Variants in KRT27 observed in about 807,000 individuals in gnomAD.
KRT27 encodes keratin 27.
KRT27 carries 30 observed loss-of-function variants against 45.3 expected under a neutral mutation model. The observed-to-expected ratio is 0.66, with a 90% CI of 0.50 to 0.90. KRT27 has a LOEUF of 0.90. Ranked by LOEUF, KRT27 falls within the 40% of genes least tolerant of loss-of-function variation. KRT27 has a pLI of 0.00. For synonymous variants in KRT27, 204 were observed against 223.9 expected (o/e 0.91, Z 0.79); for missense variants, 610 against 564.3 (o/e 1.08, Z -0.82).
At chr17:40,781,164 C>A in intron 2 of KRT27, 24 bp downstream of exon 2, 1 of 1,496,124 alleles carries the variant, frequency 6.7e-7, no homozygotes, top group Non-Finnish European at 9.1e-7. Context: ...CTTTTTTTTC[C>A]CATTTATCTT....
At position 40,782,037 on chromosome 17, in the gene KRT27, T is replaced by A; in HGVS notation, c.444+13A>T. On this transcript the variant is annotated intron_variant, in intron 1 of 7. Transcript: ENST00000301656. The stretch of plus-strand genomic sequence containing the variant: ...CTCAGGAGTGCTAACACTCACGCCA[T>A]GGCGTTTCTTACCTGGTTCTTAAGT... The A allele has an allele frequency of 6.2e-7, 1 of 1,602,322 alleles. No individual in the cohort carries two copies. Among genetic ancestry groups the A allele is most frequent in the East Asian group, 2.2e-5 (1 of 44,876 alleles).
At position 40,782,068 on chromosome 17, in the gene KRT27, A is replaced by T. The variant is rs1207881922; in HGVS notation, c.426T>A (p.Ile142=). 6.2e-7 allele frequency: 1 copy of T among 1,611,886 alleles called. No homozygotes were observed. Among genetic ancestry groups the T allele is most frequent in the Non-Finnish European group, 8.5e-7 (1 of 1,179,950 alleles). Residue 142 remains isoleucine (I), a synonymous_variant, in exon 1 of 8, where the codon ATT becomes ATA. Coordinates refer to ENST00000301656, the MANE Select transcript of KRT27 (RefSeq NM_181537.4). ...TTCTTACCTGGTTCTTAAGTTCGTC[A>T]ATAATTGGGAAATATCTGCTGTAAT... The part of the protein sequence containing the change: ...DHDYSRYFPI[I]DELKNQIISA...
At chr17:40,781,877 C>A (rs1327528645) in intron 1 of KRT27, among the ~76,000 whole-genome samples, 173 bp downstream of exon 1, 1 of 144,418 alleles carries the variant, frequency 6.9e-6, no homozygotes, top group Non-Finnish European at 1.6e-5. Flanking sequence ...GATGGACGTG[C>A]CATGTTCAAA....
Position 40,780,319 on chromosome 17 carries a change from A to G in KRT27, c.665T>C (p.Leu222Pro), listed in dbSNP as rs780575129. The G allele has an allele frequency of 6.2e-6, 10 of 1,611,576 alleles. No individual in the cohort carries two copies. The African/African-American group carries it at 1.2e-4, about 19-fold the overall frequency. The change falls in exon 3 of 8, where the codon CTC (leucine) becomes CCC (proline). Residue 222 changes from leucine (L) to proline (P), a missense_variant. Coordinates refer to ENST00000301656, the MANE Select transcript of KRT27 (RefSeq NM_181537.4). The part of the protein sequence containing the change: ...LETLSEELAY[L>P]KKNHEEEMKA... ...TTCTACCTCCTCATGATTCTTCTTG[A>G]GGTAAGCGAGCTCCTCACTGAGAGT...
Position 40,782,269 on chromosome 17 carries a change from A to G in KRT27, c.225T>C (p.Asn75=). 1 of 1,614,168 alleles carries G rather than the reference A, an allele frequency of 6.2e-7. No homozygotes were observed. Residue 75 remains asparagine, a synonymous_variant, in exon 1 of 8, where the codon AAT becomes AAC. Coordinates refer to ENST00000301656, the MANE Select transcript of KRT27 (RefSeq NM_181537.4). ...CATTGCCAGAGAGGAGGCCGTGCTCATTCCCTGTGAAGGCAGCACAGGAAG... is the reference window on the plus strand; with the variant it reads ...CATTGCCAGAGAGGAGGCCGTGCTCGTTCCCTGTGAAGGCAGCACAGGAAG... ...GSASCAAFTG[N]EHGLLSGNEK...
rs781712325 is a variant in KRT27 at position 40,782,449 on chromosome 17, G to A, written c.45C>T (p.Cys15=). The A allele has an allele frequency of 6.9e-6, 11 of 1,603,766 alleles. No homozygotes were observed. The highest frequency in any genetic ancestry group is 2.3e-5 in the East Asian group (1 of 44,072). Residue 15 remains cysteine, a synonymous_variant, in exon 1 of 8, where the codon TGC becomes TGT. Transcript: ENST00000301656. The stretch of plus-strand genomic sequence containing the variant: ...AGAGCCTCACAGAGCCAGTGCCCCC[G>A]CAAGAGCCAAGTCTCCTGGAGGTAG... ...FSSTSRRLGS[C]GGTGSVRLSS...
Position 40,782,411 on chromosome 17 carries a change from G to C in KRT27, c.83C>G (p.Ala28Gly). 6.2e-7 allele frequency: 1 copy of C among 1,613,310 alleles called. No homozygotes were observed. The highest frequency in any genetic ancestry group is 1.3e-5 in the African/African-American group (1 of 74,976). ...GCATGTGTTTCCAGCCCCAAAGCCTGCTCCCCCACTAGAGAGCCTCACAGA... is the reference window on the plus strand; with the variant it reads ...GCATGTGTTTCCAGCCCCAAAGCCTCCTCCCCCACTAGAGAGCCTCACAGA... The part of the protein sequence containing the change: ...TGSVRLSSGG[A>G]GFGAGNTCGV... Residue 28 changes from alanine (A) to glycine (G), a missense_variant, in exon 1 of 8, where the codon GCA becomes GGA. Physicochemically the swap from Ala to Gly is moderately conservative, Grantham distance 60. Coordinates refer to ENST00000301656, the MANE Select transcript of KRT27 (RefSeq NM_181537.4).
chr17:40,776,971 G>A lies in KRT27; in HGVS notation c.*28C>T. On this transcript the variant is annotated 3_prime_UTR_variant, in exon 8 of 8. Transcript: ENST00000301656. ...AGCTTCATTTTGGTATTTTAATTTG[G>A]GGGCCATTCTGTCTCAGAGGCTGGA... 1 of 1,556,190 alleles carries A rather than the reference G, an allele frequency of 6.4e-7. No individual in the cohort carries two copies. The highest frequency in any genetic ancestry group is 8.7e-7 in the Non-Finnish European group (1 of 1,147,706).
intron 1 of KRT27, 142 bp downstream of exon 1, chr17:40,781,908 T>C (rs2038314704): frequency 7.9e-6 from 5 of 634,648 alleles, no homozygotes; most frequent in Admixed American, 3.0e-5. Flanking sequence ...TATTAGAAAT[T>C]ATTTTTAATA....
At chr17:40,777,375 G>A (rs753398404) in intron 6 of KRT27, 73 bp from the exon 7 acceptor site, 516 of 1,546,648 alleles carry the variant, frequency 3.3e-4, no homozygotes, top group Non-Finnish European at 4.3e-4. Context: ...GATTTAAGGT[G>A]GGAATTCACT....
chr17:40,776,851 G>T lies in KRT27; in HGVS notation c.*148C>A. On this transcript the variant is annotated 3_prime_UTR_variant, in exon 8 of 8. Coordinates refer to ENST00000301656, the MANE Select transcript of KRT27 (RefSeq NM_181537.4). ...ACTTTTATTGAAACACCACCATAGA[G>T]AAAAAGCCAAAGAAATGGTACTATT... The T allele has an allele frequency of 1.5e-6, 1 of 673,516 alleles. No homozygotes were observed. The highest frequency in any genetic ancestry group is 2.4e-6 in the Non-Finnish European group (1 of 424,350). 41.7% of individuals were successfully genotyped at this position (673,516 alleles called of 1,614,324 possible). A position where few individuals can be genotyped will look rare whatever the true frequency, so the allele number is the denominator to read the frequency against.
rs1248977628 is a variant in KRT27 at position 40,779,799 on chromosome 17, G to A, written c.747C>T (p.Pro249=). The A allele has an allele frequency of 2.5e-6, 4 of 1,613,952 alleles. No homozygotes were observed. Among genetic ancestry groups the A allele is most frequent in the Admixed American group, 3.3e-5 (2 of 59,990 alleles). ...TCAGCAGAACCGTGAGGTCTACCCC[G>A]GGGGCCGCGTTCATCTCCACGTTCA... The part of the protein sequence containing the change: ...GNVNVEMNAA[P]GVDLTVLLNN... Residue 249 remains proline (P), a synonymous_variant, in exon 4 of 8, where the codon CCC becomes CCT. Coordinates refer to ENST00000301656, the MANE Select transcript of KRT27 (RefSeq NM_181537.4).
intron 3 of KRT27, among the ~76,000 whole-genome samples, 155 bp from the exon 4 acceptor site, chr17:40,780,016 C>T (rs953431898): frequency 6.6e-6 from 1 of 152,230 alleles, no homozygotes; most frequent in African/African-American, 2.4e-5. Flanking sequence ...ATCCTCCATT[C>T]TGGGTCTCCT....
intron 5 of KRT27, 113 bp downstream of exon 5, chr17:40,779,389 C>T: frequency 1.5e-6 from 2 of 1,305,316 alleles, no homozygotes; most frequent in South Asian, 3.1e-5. Context: ...TTATGTCAAG[C>T]ACTGTAATTA....
chr17:40,782,474 G>A lies in KRT27; in HGVS notation c.20C>T (p.Ser7Phe). ...GCAAGAGCCAAGTCTCCTGGAGGTA[G>A]AAGAAAAGCGCACAGACATGGTGTC... MSVRFS[S>F]TSRRLGSCGG... The change falls in exon 1 of 8, where the codon TCT (serine) becomes TTT (phenylalanine). Residue 7 changes from serine (S) to phenylalanine (F), a missense_variant. Coordinates refer to ENST00000301656, the MANE Select transcript of KRT27 (RefSeq NM_181537.4). 6.3e-7 allele frequency: 1 copy of A among 1,582,222 alleles called. No homozygotes were observed. Among genetic ancestry groups the A allele is most frequent in the Admixed American group, 1.8e-5 (1 of 55,128 alleles).
Position 40,777,698 on chromosome 17 carries a change from T to C in KRT27, c.1007A>G (p.Glu336Gly). 3 of 1,614,174 alleles carry C rather than the reference T, an allele frequency of 1.9e-6. No homozygotes were observed. Among genetic ancestry groups the C allele is most frequent in the East Asian group, 4.5e-5 (2 of 44,888 alleles). ...TGCCAGCTGTGCACAGTAGTTACTC[T>C]CGGTCTCTGTCAAGGAGCACTCCAG... is the stretch of plus-strand genomic sequence containing the variant. Reference protein sequence around the residue: ...HSLECSLTETESNYCAQLAQI... With the variant: ...HSLECSLTETGSNYCAQLAQI... The change falls in exon 6 of 8, where the codon GAG becomes GGG. Residue 336 changes from glutamate (E) to glycine (G), a missense_variant. Transcript: ENST00000301656.
chr17:40,779,987 G>T, intron 3 of KRT27, 126 bp from the exon 4 acceptor site: 2 of 1,159,370 alleles, frequency 1.7e-6, no homozygotes, highest in Non-Finnish European at 2.4e-6. Flanking sequence ...CTGCAGCCTC[G>T]AAATCCTGGC....
rs780836563 is a variant in KRT27 at position 40,781,180 on chromosome 17, CTACT to C, written c.527+4_527+7del. The C allele has an allele frequency of 6.9e-6, 11 of 1,586,570 alleles. No individual in the cohort carries two copies. The South Asian group carries it at 8.0e-5, about 12-fold the overall frequency. On this transcript the variant is annotated splice_donor_5th_base_variant and intron_variant, in intron 2 of 7. Coordinates refer to ENST00000301656, the MANE Select transcript of KRT27 (RefSeq NM_181537.4). The stretch of plus-strand genomic sequence containing the variant: ...TTTTTTTTCCCATTTATCTTCAGCT[CTACT>C]TACTTTAGTCTGAAGTCATCAGCTG...
intron 5 of KRT27, among the ~76,000 whole-genome samples, chr17:40,779,079 G>A (rs543180614): frequency 9.2e-5 from 14 of 152,182 alleles, no homozygotes; most frequent in Admixed American, 2.6e-4. Context: ...CACTTGAACT[G>A]ATTCTCCCTA....
Sources: allele counts gnomAD v4.1 joint callset (sites outside exome capture counted in the v4.1 genomes callset), GRCh38; gene constraint gnomAD v4.1.1; transcripts MANE v1.5; gene names NCBI Gene and HGNC (gene_info 2026-07-23, HGNC 2026-07-21).